Variants in NLRP7 observed in about 807,000 individuals in gnomAD.
The protein encoded by NLRP7 is NACHT, LRR and PYD domains-containing protein 7.
A neutral mutation model predicts 85.5 loss-of-function variants in NLRP7; 72 were observed. That is an observed-to-expected ratio of 0.84 (90% confidence interval 0.70 to 1.02). The LOEUF (loss-of-function observed/expected upper bound fraction) is 1.02. NLRP7 is among the 50% of genes least tolerant of loss of function. The pLI is 0.00. For missense variants in NLRP7, 1,243 were observed against 1,219.5 expected (o/e 1.02, Z -0.29); for synonymous variants, 550 against 505.2 (o/e 1.09, Z -1.19).
exon 2 of NLRP7, chr19:54,941,503 G>A (rs369766689): frequency 8.1e-6 from 13 of 1,613,264 alleles, no homozygotes; most frequent in African/African-American, 5.3e-5. Flanking sequence ...GTTCACAGTC[G>A]CATTCCTTAT....
At position 54,928,298 on chromosome 19, in the gene NLRP7, G is replaced by A. The variant is rs775872; in HGVS notation, c.2810+2201C>T. On this transcript the variant is annotated intron_variant, in intron 9 of 9. Transcript: ENST00000340844. ...CACCTATAATTCCAGCTACTCGAGA[G>A]GCAGGAGAATCGCCTGAACCAGGAG... 0.058 allele frequency among the ~76,000 whole-genome samples: 8,885 copies of A among 152,168 alleles called. 594 individuals are homozygous for A. Among genetic ancestry groups the A allele is most frequent in the African/African-American group, 0.16 (6,461 of 41,510 alleles).
At chr19:54,938,721 G>A (rs576887933) in intron 4 of NLRP7, among the ~76,000 whole-genome samples, 167 bp downstream of exon 4, 10 of 152,192 alleles carry the variant, frequency 6.6e-5, no homozygotes, top group Admixed American at 2.0e-4. Flanking sequence ...GCGAGACTCC[G>A]TCTCAAAAAT....
intron 1 of NLRP7, among the ~76,000 whole-genome samples, chr19:54,956,852 A>T (rs1171164071): frequency 2.0e-5 from 3 of 150,180 alleles, no homozygotes; most frequent in Non-Finnish European, 4.4e-5. Context: ...CTTGTCTCGA[A>T]CTCCTGTCCT....
chr19:54,959,961 A>G (rs1476054206), intron 1 of NLRP7, among the ~76,000 whole-genome samples: 1 of 151,822 alleles, frequency 6.6e-6, no homozygotes, highest in Non-Finnish European at 1.5e-5. Context: ...TGGTGTAGAC[A>G]GGCTTTCACA....
chr19:54,941,392 A>C, intron 2 of NLRP7, 43 bp downstream of exon 2: 1 of 1,252,136 alleles, frequency 8.0e-7, no homozygotes, highest in Non-Finnish European at 1.1e-6. Flanking sequence ...AAAAAAAAAA[A>C]AAAAAAAAAA....
upstream of NLRP7, chr19:54,948,739 T>G (rs1456345402): frequency 1.3e-5 from 2 of 152,096 alleles, no homozygotes; most frequent in Admixed American, 1.3e-4. Flanking sequence ...CCAACTAATT[T>G]TTTGTATTTT....
exon 4 of NLRP7, chr19:54,940,437 C>G: frequency 6.2e-7 from 1 of 1,613,974 alleles, no homozygotes; most frequent in African/African-American, 1.3e-5. Flanking sequence ...GACTGTTTCT[C>G]CATTGAATTT....
At chr19:54,947,711 T>C, upstream of NLRP7, 1 of 1,179,652 alleles carries the variant, frequency 8.5e-7, no homozygotes. Context: ...TTTGGAGAAT[T>C]ACGGCTTGCT....
At chr19:54,947,608 A>AGG (rs1569541733), upstream of NLRP7, 5 of 1,289,432 alleles carry the variant, frequency 3.9e-6, no homozygotes, top group Non-Finnish European at 5.1e-6. Context: ...TGAGATTAAC[A>AGG]TTGGGTGGCT....
In NLRP7 at chr19:54,956,999, T is replaced by C. The variant is rs376727131; in HGVS notation, c.-77+9041A>G. ...CCAAGTCTCTACGCCTTTTCATTTA[T>C]GTATGTATGTATTTATTTATTTATT... is the stretch of plus-strand genomic sequence containing the variant. On this transcript the variant is annotated intron_variant, in intron 1 of 2. Transcript: ENST00000587103. 1.1e-4 allele frequency among the ~76,000 whole-genome samples: 16 copies of C among 139,596 alleles called. No homozygotes were observed. The South Asian group carries it at 2.8e-3, about 24-fold the overall frequency. 91.6% of individuals were successfully genotyped at this position (139,596 alleles called of 152,430 possible). A position where few individuals can be genotyped will look rare whatever the true frequency, so the allele number is the denominator to read the frequency against.
chr19:54,945,744 G>A (rs141322860), intron 1 of NLRP7, among the ~76,000 whole-genome samples: 188 of 151,818 alleles, frequency 1.2e-3, no homozygotes, highest in African/African-American at 4.5e-3. Flanking sequence ...GATTACAGGC[G>A]CACCGCATCA....
At position 54,940,258 on chromosome 19, in the gene NLRP7, C is replaced by T. The variant is rs760327099; in HGVS notation, c.561G>A (p.Leu187=). 3.1e-6 allele frequency: 5 copies of T among 1,614,060 alleles called. No individual in the cohort carries two copies. In the African/African-American group the frequency reaches 6.7e-5, roughly 22 times the overall value. The change falls in exon 4 of 10, where the codon CTG becomes CTA. Residue 187 remains leucine, a synonymous_variant. Coordinates refer to ENST00000340844, the Ensembl canonical transcript of NLRP7. ...TCCAGTCCAGCATACACTTTTTGGC[C>T]AGCGTGGTTTTCCCCACGCCTGCGG...
chr19:54,938,657 C>T (rs970083374), intron 4 of NLRP7, among the ~76,000 whole-genome samples: 1 of 152,100 alleles, frequency 6.6e-6, no homozygotes, highest in Admixed American at 6.6e-5. Flanking sequence ...ACCCGGGAGG[C>T]GGAGGTTGCA....
exon 9 of NLRP7, chr19:54,930,604 G>C: frequency 6.2e-7 from 1 of 1,611,756 alleles, no homozygotes; most frequent in Middle Eastern, 1.7e-4. Flanking sequence ...GAGGCTGCAG[G>C]CTTCTTGGAG....
chr19:54,943,415 C>T (rs1457156379), intron 1 of NLRP7, among the ~76,000 whole-genome samples: 9 of 152,068 alleles, frequency 5.9e-5, no homozygotes, highest in Non-Finnish European at 1.3e-4. Flanking sequence ...TCCTGGCTAA[C>T]ACGGTGAAAC....
chr19:54,949,144 G>C (rs1006392442), upstream of NLRP7, among the ~76,000 whole-genome samples: 13 of 152,030 alleles, frequency 8.6e-5, no homozygotes, highest in African/African-American at 3.1e-4. Flanking sequence ...CAGGCATGGT[G>C]GTGTGCACCT....
At chr19:54,953,952 A>G (rs1259275688) in intron 1 of NLRP7, among the ~76,000 whole-genome samples, 1 of 151,844 alleles carries the variant, frequency 6.6e-6, no homozygotes, top group African/African-American at 2.4e-5. Context: ...GCTTGCAGTG[A>G]GCGGAGATCG....
At chr19:54,951,870 C>T (rs1330961362), upstream of NLRP7, among the ~76,000 whole-genome samples, 1 of 152,048 alleles carries the variant, frequency 6.6e-6, no homozygotes, top group East Asian at 1.9e-4. Context: ...CCTGCCTCAG[C>T]CTCCCGAATA....
chr19:54,934,091 C>T lies in NLRP7; in HGVS notation c.2472-352G>A, dbSNP rs778843051. ...CCTGAGTAGCTGGGACTACAGGCGCCCACCACACCTGGATAATTTTTTGTA... is the reference window on the plus strand; with the variant it reads ...CCTGAGTAGCTGGGACTACAGGCGCTCACCACACCTGGATAATTTTTTGTA... On this transcript the variant is annotated intron_variant, in intron 7 of 9. Coordinates refer to ENST00000340844, the Ensembl canonical transcript of NLRP7. This position sits in a 1 kb window ranked among gnomAD's most constrained non-coding sequence, Gnocchi z 6.7. Among the ~76,000 whole-genome samples the T allele has an allele frequency of 6.6e-6, 1 of 152,124 alleles. No homozygotes were observed. The highest frequency in any genetic ancestry group is 1.5e-5 in the Non-Finnish European group (1 of 68,018).
Sources: gnomAD v4.1 joint callset for allele counts (sites outside exome capture counted in the v4.1 genomes callset) on GRCh38, gnomAD v4.1.1 for gene constraint, Gnocchi (gnomAD v3.1) non-coding constraint, MANE v1.5 for transcripts, NCBI Gene and HGNC (gene_info 2026-07-23, HGNC 2026-07-21) for gene names.